The following PTPN22 variants were observed in gnomAD, a reference collection of about 807,000 sequenced individuals.
PTPN22 encodes the protein protein tyrosine phosphatase non-receptor type 22.
A neutral mutation model predicts 103.3 loss-of-function variants in PTPN22; 85 were observed. The observed-to-expected ratio is 0.82, with a 90% CI of 0.69 to 0.99. The LOEUF is 0.99. PTPN22 is among the 50% of genes least tolerant of loss of function. The probability of loss-of-function intolerance (pLI) is 0.00; values close to 1 mark genes in which losing one functional copy is unlikely to be tolerated. For missense variants in PTPN22, 865 were observed against 936.9 expected (o/e 0.92, Z 1.00); for synonymous variants, 323 against 310.2 (o/e 1.04, Z -0.43).
intron 11 of PTPN22, among the ~76,000 whole-genome samples, chr1:113,839,121 TC>T (rs1321041351): frequency 6.6e-6 from 1 of 152,172 alleles, no homozygotes; most frequent in East Asian, 1.9e-4. Flanking sequence ...ATATTTTTGC[TC>T]CAAATTTTGC....
intron 9 of PTPN22, among the ~76,000 whole-genome samples, chr1:113,853,499 C>T (rs1489300461): frequency 1.4e-5 from 2 of 145,610 alleles, no homozygotes; most frequent in African/African-American, 2.5e-5. Context: ...TACAGGCATG[C>T]GCCACCACAC....
intron 11 of PTPN22, among the ~76,000 whole-genome samples, chr1:113,842,629 G>A (rs1209927059): frequency 1.3e-5 from 2 of 151,846 alleles, no homozygotes; most frequent in Non-Finnish European, 1.5e-5. Flanking sequence ...AGCCAAGATT[G>A]CGCCACTGCA....
At chr1:113,837,903 A>G (rs1425578788) in exon 13 of PTPN22, 1 of 1,614,020 alleles carries the variant, frequency 6.2e-7, no homozygotes. Context: ...ATGGCAGTGA[A>G]TAATTCAGTT....
At chr1:113,851,398 C>T (rs1571426773) in intron 10 of PTPN22, among the ~76,000 whole-genome samples, 2 of 152,222 alleles carry the variant, frequency 1.3e-5, no homozygotes, top group East Asian at 1.9e-4. Flanking sequence ...AGGTGATCCA[C>T]CCACCTTGGC....
chr1:113,840,702 G>A (rs1663472412), intron 11 of PTPN22, among the ~76,000 whole-genome samples: 1 of 152,182 alleles, frequency 6.6e-6, no homozygotes, highest in Admixed American at 6.5e-5. Context: ...GAGCAAAGTT[G>A]AATGACACAC....
At chr1:113,856,618 T>C in exon 6 of PTPN22, 1 of 1,614,176 alleles carries the variant, frequency 6.2e-7, no homozygotes, top group Non-Finnish European at 8.5e-7. Context: ...CTCACACTTT[T>C]TCTGTTGCAC....
intron 17 of PTPN22, 33 bp from the exon 18 acceptor site, chr1:113,829,740 A>G (rs753836431): frequency 2.2e-6 from 3 of 1,394,570 alleles, no homozygotes; most frequent in Non-Finnish European, 9.9e-7. Context: ...AACATGTTCC[A>G]TTGCATACCT....
exon 6 of PTPN22, chr1:113,856,586 C>G (rs371097605): frequency 6.2e-7 from 1 of 1,614,110 alleles, no homozygotes; most frequent in Non-Finnish European, 8.5e-7. Context: ...AGCTGCATCT[C>G]TCCTGGCTCA....
Position 113,856,455 on chromosome 1 carries a change from G to C in PTPN22, c.481-14C>G, listed in dbSNP as rs751911544. 7 of 1,609,336 alleles carry C rather than the reference G, an allele frequency of 4.3e-6. No homozygotes were observed. In the East Asian group the frequency reaches 1.6e-4, roughly 36 times the overall value. On this transcript the variant is annotated splice_polypyrimidine_tract_variant and intron_variant, in intron 6 of 20. Coordinates refer to ENST00000359785, the Ensembl canonical transcript of PTPN22. ...TTTTTCAGCTTCCTAAAAAGAAAAA[G>C]AAGACTCAAGTATTAGTGATTGCAA...
chr1:113,814,616 G>T (rs1661025042), exon 21 of PTPN22: 1 of 251,594 alleles, frequency 4.0e-6, no homozygotes, highest in Admixed American at 5.2e-5. Flanking sequence ...AAAAATAACT[G>T]GCAAAAATGA....
At chr1:113,855,651 C>T (rs889517267) in intron 7 of PTPN22, among the ~76,000 whole-genome samples, 4 of 152,046 alleles carry the variant, frequency 2.6e-5, no homozygotes, top group East Asian at 1.9e-4. Flanking sequence ...AAATTTATTC[C>T]GGTTTCTTCT....
intron 13 of PTPN22, among the ~76,000 whole-genome samples, chr1:113,835,386 C>T (rs926478980): frequency 1.3e-5 from 2 of 152,118 alleles, no homozygotes; most frequent in Admixed American, 6.5e-5. Context: ...GGCGTGGTGG[C>T]GGGCCCCTGT....
exon 13 of PTPN22, chr1:113,838,110 A>C: frequency 6.2e-7 from 1 of 1,614,044 alleles, no homozygotes; most frequent in Non-Finnish European, 8.5e-7. Flanking sequence ...CTGCATTTAC[A>C]GGTTTAGAAT....
intron 11 of PTPN22, among the ~76,000 whole-genome samples, chr1:113,842,025 T>A (rs1475545001): frequency 6.6e-6 from 1 of 151,920 alleles, no homozygotes; most frequent in African/African-American, 2.4e-5. Context: ...GGCAACATAA[T>A]GAGACCCTGT....
exon 13 of PTPN22, chr1:113,838,216 A>T: frequency 6.2e-7 from 1 of 1,614,120 alleles, no homozygotes; most frequent in Non-Finnish European, 8.5e-7. Context: ...CTGCCATTTC[A>T]TGGTTGTGTC....
intron 1 of PTPN22, among the ~76,000 whole-genome samples, chr1:113,863,799 T>G (rs898503006): frequency 3.3e-5 from 5 of 152,026 alleles, no homozygotes; most frequent in African/African-American, 1.2e-4. Flanking sequence ...GTTGCAATAG[T>G]ACCAGTCTGA....
chr1:113,819,947 T>A (rs1405418742), intron 19 of PTPN22: 3 of 189,180 alleles, frequency 1.6e-5, no homozygotes, highest in African/African-American at 7.2e-5. Context: ...GAATCAGCAT[T>A]TTTTTGTTTT....
chr1:113,871,730 G>T, upstream of PTPN22: 1 of 915,522 alleles, frequency 1.1e-6, no homozygotes, highest in Non-Finnish European at 1.8e-6. Context: ...CCTGAGCAGA[G>T]CATGCTGAAG....
intron 16 of PTPN22, among the ~76,000 whole-genome samples, chr1:113,831,989 G>A (rs1396358052): frequency 6.6e-6 from 1 of 152,076 alleles, no homozygotes; most frequent in East Asian, 1.9e-4. Flanking sequence ...TATTTGACAA[G>A]TACTACGCTA....
Sources: gnomAD v4.1 joint callset for allele counts (sites outside exome capture counted in the v4.1 genomes callset) on GRCh38, gnomAD v4.1.1 for gene constraint, MANE v1.5 for transcripts, NCBI Gene and HGNC (gene_info 2026-07-23, HGNC 2026-07-21) for gene names.